Variants in RIGI observed in about 807,000 individuals in gnomAD.
The protein encoded by RIGI is antiviral innate immune response receptor RIG-I.
At chr9:32,462,065 A>G in the RIGI span, among the ~76,000 whole-genome samples, 1 of 152,128 alleles carries the variant, frequency 6.6e-6, no homozygotes, top group Non-Finnish European at 1.5e-5. Context: ...GGTAGATGTA[A>G]TGGTGAAACA....
chr9:32,500,709 A>G, the RIGI span: 6 of 1,448,374 alleles, frequency 4.1e-6, no homozygotes, highest in African/African-American at 8.5e-5. Flanking sequence ...ATGAACTATA[A>G]GTGGATACTT....
the RIGI span, among the ~76,000 whole-genome samples, chr9:32,504,981 CATAT>C: frequency 3.1e-5 from 4 of 128,938 alleles, no homozygotes; most frequent in African/African-American, 5.8e-5. Flanking sequence ...TATTATATAT[CATAT>C]ATATTTTATA....
the RIGI span, among the ~76,000 whole-genome samples, chr9:32,518,782 C>T: frequency 6.6e-6 from 1 of 152,226 alleles, no homozygotes; most frequent in African/African-American, 2.4e-5. Flanking sequence ...ATTTGCTCTT[C>T]TGCATAGATA....
the RIGI span, among the ~76,000 whole-genome samples, chr9:32,520,355 A>G: frequency 6.6e-6 from 1 of 152,184 alleles, no homozygotes; most frequent in Non-Finnish European, 1.5e-5. Context: ...GTGACATATT[A>G]GAGAGAATGA....
the RIGI span, chr9:32,500,868 A>T: frequency 6.2e-7 from 1 of 1,614,184 alleles, no homozygotes; most frequent in Non-Finnish European, 8.5e-7. Flanking sequence ...TCCAACAGGA[A>T]CTTGAGAAAA....
At chr9:32,491,385 T>G in the RIGI span, 1 of 1,612,584 alleles carries the variant, frequency 6.2e-7, no homozygotes, top group South Asian at 1.1e-5. Flanking sequence ...GTTTCCATCT[T>G]ATCCTCAAGA....
At chr9:32,487,551 G>C in the RIGI span, 2 of 1,614,122 alleles carry the variant, frequency 1.2e-6, no homozygotes, top group South Asian at 1.1e-5. Context: ...ATCAAGAGAA[G>C]CACACAGCTT....
the RIGI span, chr9:32,472,976 T>C: frequency 1.2e-6 from 2 of 1,606,060 alleles, no homozygotes; most frequent in African/African-American, 1.3e-5. Flanking sequence ...TATAAATACC[T>C]GTGTTCTGAT....
the RIGI span, chr9:32,485,362 T>C: frequency 1.0e-6 from 1 of 983,454 alleles, no homozygotes; most frequent in Non-Finnish European, 1.5e-6. Context: ...AAAGTAGGTA[T>C]CTCTAAAACC....
the RIGI span, chr9:32,457,317 CTT>C: frequency 1.7e-5 from 28 of 1,613,870 alleles, no homozygotes; most frequent in Non-Finnish European, 2.1e-5. Flanking sequence ...CACAGAATAT[CTT>C]TGCTCTTTTT....
chr9:32,485,095 G>A, the RIGI span: 3 of 1,049,714 alleles, frequency 2.9e-6, no homozygotes, highest in South Asian at 4.5e-5. Flanking sequence ...TCTGAACTAA[G>A]GAGAACACAA....
At chr9:32,498,982 CAAAA>C in the RIGI span, among the ~76,000 whole-genome samples, 563 of 97,580 alleles carry the variant, frequency 5.8e-3, no homozygotes, top group African/African-American at 8.5e-3. Context: ...GACTCTGTCT[CAAAA>C]AAAAAAAAAA....
the RIGI span, among the ~76,000 whole-genome samples, chr9:32,462,236 G>A: frequency 1.3e-5 from 2 of 152,214 alleles, no homozygotes; most frequent in East Asian, 3.9e-4. Flanking sequence ...GGGACTGTTG[G>A]AGAGTCAGTG....
At chr9:32,504,038 AAC>A in the RIGI span, among the ~76,000 whole-genome samples, 56 of 135,658 alleles carry the variant, frequency 4.1e-4, no homozygotes, top group East Asian at 1.3e-3. Flanking sequence ...CAAGACTCCA[AAC>A]ACACACACAC....
the RIGI span, chr9:32,487,689 A>G: frequency 6.3e-7 from 1 of 1,585,648 alleles, no homozygotes; most frequent in Non-Finnish European, 8.6e-7. Flanking sequence ...ATGTTTCCAC[A>G]ACCCCTCATA....
At chr9:32,456,984 T>C in the RIGI span, 4 of 657,398 alleles carry the variant, frequency 6.1e-6, no homozygotes, top group South Asian at 2.0e-5. Context: ...ATATATAATA[T>C]AGTACAAACT....
chr9:32,470,962 A>C, the RIGI span, among the ~76,000 whole-genome samples: 1 of 152,382 alleles, frequency 6.6e-6, no homozygotes, highest in Non-Finnish European at 1.5e-5. Flanking sequence ...AACAGAATTT[A>C]TAGAAGCTCC....
At chr9:32,503,455 C>T in the RIGI span, among the ~76,000 whole-genome samples, 1 of 152,086 alleles carries the variant, frequency 6.6e-6, no homozygotes, top group Non-Finnish European at 1.5e-5. Context: ...TGATGTCAAA[C>T]CTCAGCTTCT....
At chr9:32,456,949 T>C in the RIGI span, 1 of 593,206 alleles carries the variant, frequency 1.7e-6, no homozygotes, top group Non-Finnish European at 2.9e-6. Context: ...TACTCAGTGC[T>C]GTGATTCACT....
Sources: allele counts gnomAD v4.1 joint callset (sites outside exome capture counted in the v4.1 genomes callset), GRCh38; gene constraint gnomAD v4.1.1; transcripts MANE v1.5; gene names NCBI Gene and HGNC (gene_info 2026-07-23, HGNC 2026-07-21).